The following TC2N variants were observed in gnomAD, a reference collection of about 807,000 sequenced individuals.
The protein encoded by TC2N is tandem C2 domains, nuclear, also known as tandem C2 domains nuclear protein.
In TC2N, 51 loss-of-function variants were observed where a neutral mutation model predicts 61.9. The observed-to-expected ratio is 0.82, with a 90% CI of 0.66 to 1.04. The LOEUF (loss-of-function observed/expected upper bound fraction) is 1.04. Among genes scored for constraint, TC2N ranks in the 50% least tolerant of loss-of-function variants. The probability of loss-of-function intolerance (pLI) is 0.00; values close to 1 mark genes in which losing one functional copy is unlikely to be tolerated. For synonymous variants in TC2N, 204 were observed against 192.6 expected, an observed-to-expected ratio of 1.06 and a Z score of -0.49; for missense variants, 556 against 566.7, an observed-to-expected ratio of 0.98 and a Z score of 0.19.
chr14:91,808,962 A>T (rs1886644044), intron 3 of TC2N, among the ~76,000 whole-genome samples: 1 of 152,168 alleles, frequency 6.6e-6, no homozygotes, highest in Admixed American at 6.5e-5. Context: ...TTTAATCCCA[A>T]TGTTGTTAAT....
chr14:91,866,431 T>C (rs1487564742), intron 1 of TC2N: 1 of 152,192 alleles, frequency 6.6e-6, no homozygotes, highest in Non-Finnish European at 1.5e-5. Context: ...TGCAGTGAAA[T>C]GGAAATGCTG....
At position 91,781,060 on chromosome 14, in the gene TC2N, G is replaced by C. The variant is rs1245501941; in HGVS notation, c.*2040C>G. The C allele has an allele frequency of 6.6e-6, 1 of 151,950 alleles. No homozygotes were observed. The highest frequency in any genetic ancestry group is 6.5e-5 in the Admixed American group (1 of 15,270). 9.4% of individuals were successfully genotyped at this position (151,950 alleles called of 1,614,324 possible). On this transcript the variant is annotated 3_prime_UTR_variant, in exon 12 of 12. Transcript: ENST00000435962. Reference sequence around the variant, plus strand: ...ATTATACATCATACATACATTGTAAGAATATAGAAAATTAAATAAATCAAA... The same window carrying C: ...ATTATACATCATACATACATTGTAACAATATAGAAAATTAAATAAATCAAA...
intron 1 of TC2N, among the ~76,000 whole-genome samples, chr14:91,862,971 T>C (rs77705388): frequency 0.026 from 3,992 of 152,254 alleles, 184 homozygotes; most frequent in African/African-American, 0.089. Context: ...CTAATTATGG[T>C]TTTACTGAAA....
chr14:91,783,268 A>T, intron 11 of TC2N, 58 bp from the exon 12 acceptor site: 1 of 974,996 alleles, frequency 1.0e-6, no homozygotes, highest in East Asian at 2.6e-5. Flanking sequence ...AACTACATTC[A>T]GACAGTTAGT....
chr14:91,822,434 A>G (rs1362836978), intron 1 of TC2N, among the ~76,000 whole-genome samples: 1 of 145,468 alleles, frequency 6.9e-6, no homozygotes, highest in Non-Finnish European at 1.5e-5. Flanking sequence ...ATTCTCTTGC[A>G]TTTGCTTTAT....
chr14:91,807,993 T>C (rs1478188957), intron 3 of TC2N, among the ~76,000 whole-genome samples: 1 of 152,214 alleles, frequency 6.6e-6, no homozygotes, highest in African/African-American at 2.4e-5. Flanking sequence ...CTGATGGTTT[T>C]ATAAGGGGTT....
At chr14:91,788,407 C>A (rs992763719) in intron 9 of TC2N, among the ~76,000 whole-genome samples, 1 of 152,086 alleles carries the variant, frequency 6.6e-6, no homozygotes, top group Admixed American at 6.5e-5. Context: ...GTTGTCCAAA[C>A]ACAAAAACAC....
At chr14:91,802,932 A>G (rs1886330570) in intron 3 of TC2N, among the ~76,000 whole-genome samples, 3 of 152,192 alleles carry the variant, frequency 2.0e-5, no homozygotes, top group African/African-American at 7.2e-5. Flanking sequence ...TTATATGGAA[A>G]CACTAAAGAC....
At chr14:91,828,573 A>G (rs907730648) in intron 1 of TC2N, among the ~76,000 whole-genome samples, 1 of 152,002 alleles carries the variant, frequency 6.6e-6, no homozygotes, top group African/African-American at 2.4e-5. Flanking sequence ...CAATTTTCCT[A>G]TAATTTTGTA....
intron 3 of TC2N, among the ~76,000 whole-genome samples, chr14:91,808,951 G>T (rs1186321695): frequency 2.0e-5 from 3 of 151,936 alleles, no homozygotes; most frequent in Non-Finnish European, 4.4e-5. Flanking sequence ...AGGCTGCATG[G>T]TTTAATCCCA....
At chr14:91,854,413 AGGAGGG>A (rs1417685442) in intron 1 of TC2N, among the ~76,000 whole-genome samples, 3 of 114,880 alleles carry the variant, frequency 2.6e-5, no homozygotes, top group Admixed American at 1.0e-4. Flanking sequence ...GAGGAGGAGG[AGGAGGG>A]GGAGGGGGAG....
chr14:91,834,239 C>T (rs551685185), intron 1 of TC2N, among the ~76,000 whole-genome samples: 1 of 152,294 alleles, frequency 6.6e-6, no homozygotes, highest in South Asian at 2.1e-4. Context: ...GAACTCAATA[C>T]ACCAAACAAA....
At chr14:91,800,989 TAC>T (rs1283894143) in intron 4 of TC2N, among the ~76,000 whole-genome samples, 5 of 151,016 alleles carry the variant, frequency 3.3e-5, no homozygotes, top group African/African-American at 7.3e-5. Context: ...TACATATATA[TAC>T]ACACACATAT....
Position 91,787,568 on chromosome 14 carries a change from C to T in TC2N, c.1107G>A (p.Gln369=), listed in dbSNP as rs1885425236. 2 of 1,612,770 alleles carry T rather than the reference C, an allele frequency of 1.2e-6. No individual in the cohort carries two copies. The highest frequency in any genetic ancestry group is 1.1e-5 in the South Asian group (1 of 90,836). ...TCFQAVNSRI[Q]LQILEARYLP... is the part of the protein sequence containing the mutation. Reference sequence around the variant, plus strand: ...GGTACCGTGCCTCAAGAATTTGTAACTGAATTCTGCTATTTACTGCTTGAA... The same window carrying T: ...GGTACCGTGCCTCAAGAATTTGTAATTGAATTCTGCTATTTACTGCTTGAA... Residue 369 remains glutamine (Q), a synonymous_variant, in exon 10 of 12, where the codon CAG becomes CAA. Transcript: ENST00000435962.
At chr14:91,858,152 C>CTTTT (rs56379239) in intron 1 of TC2N, among the ~76,000 whole-genome samples, 6 of 92,328 alleles carry the variant, frequency 6.5e-5, no homozygotes, top group Non-Finnish European at 1.0e-4. Context: ...TCTTCTTCTT[C>CTTTT]TTTTTTTTTT....
chr14:91,798,466 C>A (rs1886034680), intron 6 of TC2N, 67 bp from the exon 7 acceptor site: 1 of 843,924 alleles, frequency 1.2e-6, no homozygotes, highest in East Asian at 2.7e-5. Context: ...TAAGCTTTGA[C>A]ACAATCCAAT....
intron 1 of TC2N, among the ~76,000 whole-genome samples, chr14:91,847,823 C>T (rs1320593904): frequency 6.6e-6 from 1 of 152,212 alleles, no homozygotes; most frequent in Non-Finnish European, 1.5e-5. Flanking sequence ...ATATGGTTAA[C>T]CTATGAGGAA....
intron 1 of TC2N, among the ~76,000 whole-genome samples, chr14:91,862,890 AC>A (rs765753943): frequency 2.2e-4 from 33 of 152,250 alleles, no homozygotes; most frequent in Non-Finnish European, 3.4e-4. Flanking sequence ...CAGAACAACA[AC>A]AACAACAAAA....
intron 1 of TC2N, among the ~76,000 whole-genome samples, chr14:91,845,734 G>A (rs1297744731): frequency 1.1e-4 from 16 of 152,150 alleles, no homozygotes; most frequent in Non-Finnish European, 1.8e-4. Context: ...CCTCAGCCTC[G>A]CATTCCATGA....
Sources: allele counts gnomAD v4.1 joint callset (sites outside exome capture counted in the v4.1 genomes callset), GRCh38; gene constraint gnomAD v4.1.1; transcripts MANE v1.5; gene names NCBI Gene and HGNC (gene_info 2026-07-23, HGNC 2026-07-21).